Variants in MYRFL observed in about 807,000 individuals in gnomAD.
MYRFL encodes the protein myelin regulatory factor like, also known as myelin regulatory factor-like protein.
A neutral mutation model predicts 109.4 loss-of-function variants in MYRFL; 88 were observed. The observed-to-expected ratio is 0.80, with a 90% CI of 0.68 to 0.96. The LOEUF (loss-of-function observed/expected upper bound fraction) is 0.96, where lower values mean the gene tolerates loss of function less well. Among genes scored for constraint, MYRFL ranks in the 40% least tolerant of loss-of-function variants. The pLI, the probability that MYRFL is intolerant of heterozygous loss-of-function variation, is 0.00. For synonymous variants in MYRFL, 324 were observed against 320.9 expected (o/e 1.01, Z -0.10); for missense variants, 957 against 954.9 (o/e 1.00, Z -0.03).
chr12:69,867,101 A>T (rs927702239), intron 2 of MYRFL, among the ~76,000 whole-genome samples: 2 of 152,182 alleles, frequency 1.3e-5, no homozygotes, highest in African/African-American at 4.8e-5. Flanking sequence ...TTAACTCTTT[A>T]TTTCCTTATG....
intron 2 of MYRFL, among the ~76,000 whole-genome samples, chr12:69,870,194 TGCCTCCTGGG>T (rs1885271400): frequency 7.3e-6 from 1 of 137,138 alleles, no homozygotes; most frequent in Non-Finnish European, 1.5e-5. Context: ...CTGCAACCTC[TGCCTCCTGGG>T]TTCAAGCAAG....
chr12:69,886,676 C>T, intron 5 of MYRFL, 144 bp from the exon 6 acceptor site: 1 of 964,080 alleles, frequency 1.0e-6, no homozygotes, highest in Non-Finnish European at 1.5e-6. Context: ...ATGAGGTCAG[C>T]AACACACCTC....
intron 15 of MYRFL, among the ~76,000 whole-genome samples, chr12:69,928,634 A>G (rs1296673366): frequency 2.0e-5 from 3 of 152,252 alleles, no homozygotes; most frequent in African/African-American, 7.2e-5. Flanking sequence ...TGTATTGACA[A>G]ACACAAATAC....
intron 13 of MYRFL, among the ~76,000 whole-genome samples, chr12:69,921,211 A>G (rs759693725): frequency 2.0e-5 from 3 of 152,036 alleles, no homozygotes; most frequent in Non-Finnish European, 4.4e-5. Context: ...CTTCTTTAAA[A>G]CATTTTTTTT....
intron 13 of MYRFL, among the ~76,000 whole-genome samples, chr12:69,912,215 C>T (rs1486448724): frequency 6.6e-6 from 1 of 152,206 alleles, no homozygotes; most frequent in Non-Finnish European, 1.5e-5. Context: ...TCTTCAGTCT[C>T]TCTCCCAGAC....
chr12:69,955,485 A>G (rs1209089241), intron 22 of MYRFL, 48 bp downstream of exon 22: 1 of 544,836 alleles, frequency 1.8e-6, no homozygotes, highest in East Asian at 3.1e-5. Flanking sequence ...CATTAGTTGA[A>G]TATGAAGTCT....
chr12:69,914,613 G>A (rs1954675507), intron 13 of MYRFL, among the ~76,000 whole-genome samples: 2 of 152,126 alleles, frequency 1.3e-5, no homozygotes, highest in Non-Finnish European at 2.9e-5. Context: ...GGGAATAGTT[G>A]AGACAGAATC....
intron 1 of MYRFL, among the ~76,000 whole-genome samples, chr12:69,849,846 A>G (rs938053081): frequency 6.6e-6 from 1 of 152,196 alleles, no homozygotes; most frequent in African/African-American, 2.4e-5. Context: ...CTATAATCTA[A>G]CCAGTGTTAA....
chr12:69,870,128 G>GT (rs1332225900), intron 2 of MYRFL, among the ~76,000 whole-genome samples: 8 of 106,920 alleles, frequency 7.5e-5, no homozygotes, highest in Non-Finnish European at 1.5e-4. Flanking sequence ...TTTTTTTTTG[G>GT]GACAGAGTCT....
chr12:69,886,723 C>A, intron 5 of MYRFL, 97 bp from the exon 6 acceptor site: 2 of 1,402,084 alleles, frequency 1.4e-6, no homozygotes, highest in South Asian at 2.7e-5. Context: ...AGTCACTCTG[C>A]CTTACACATG....
intron 13 of MYRFL, among the ~76,000 whole-genome samples, chr12:69,920,472 C>T (rs1353487073): frequency 1.3e-5 from 2 of 152,156 alleles, no homozygotes; most frequent in Non-Finnish European, 2.9e-5. Context: ...CATGAACCAC[C>T]TGTAAGAATA....
rs530729260 is a variant in MYRFL, at chr12:69,958,243, A to G, written c.2572-6A>G. 8.5e-6 allele frequency: 13 copies of G among 1,533,754 alleles called. No individual in the cohort carries two copies. In the East Asian group the frequency reaches 2.2e-4, roughly 26 times the overall value. ...CGAAATGGATCCTCTTTTATTCACT[A>G]TTTAGGGATATCAGCACATTTGGAG... On this transcript the variant is annotated splice_polypyrimidine_tract_variant and splice_region_variant and intron_variant, in intron 23 of 24. Coordinates refer to ENST00000552032, the MANE Select transcript of MYRFL (RefSeq NM_182530.3).
intron 10 of MYRFL, among the ~76,000 whole-genome samples, chr12:69,898,412 T>G (rs1046417556): frequency 6.6e-6 from 1 of 152,208 alleles, no homozygotes; most frequent in Admixed American, 6.5e-5. Flanking sequence ...TGCATTTTTG[T>G]GGGTTCTGAC....
intron 1 of MYRFL, among the ~76,000 whole-genome samples, chr12:69,847,647 CAAATGA>C (rs1427198709): frequency 1.3e-5 from 2 of 151,966 alleles, no homozygotes; most frequent in Non-Finnish European, 2.9e-5. Flanking sequence ...CCTCGCTCTT[CAAATGA>C]CTTCTCTCTC....
At chr12:69,955,157 T>C (rs1350755666) in intron 21 of MYRFL, among the ~76,000 whole-genome samples, 1 of 152,178 alleles carries the variant, frequency 6.6e-6, no homozygotes, top group Non-Finnish European at 1.5e-5. Context: ...GTATATTTTA[T>C]ATTAAGACCT....
At chr12:69,955,584 G>A (rs17225875) in intron 22 of MYRFL, 147 bp downstream of exon 22, 20,894 of 467,162 alleles carry the variant, frequency 0.045, 688 homozygotes, top group Non-Finnish European at 0.062. Flanking sequence ...TGGCCTATTT[G>A]AAGGAAAGGT....
rs1190267386 is a variant in MYRFL, at chr12:69,932,583, C to T, written c.1901C>T (p.Ala634Val). Residue 634 changes from alanine to valine, a missense_variant, in exon 16 of 25, where the codon GCT becomes GTT. Transcript: ENST00000552032. ...CAGACCTTGGTTATAACTCTGATTGCTGTGATGGCATTTTGGTAAGAAAAA... is the reference window on the plus strand; with the variant it reads ...CAGACCTTGGTTATAACTCTGATTGTTGTGATGGCATTTTGGTAAGAAAAA... ...VFQTLVITLI[A>V]VMAFCALTIV... is the part of the protein sequence containing the mutation. 6.5e-7 allele frequency: 1 copy of T among 1,535,502 alleles called. No individual in the cohort carries two copies. Among genetic ancestry groups the T allele is most frequent in the East Asian group, 2.4e-5 (1 of 40,914 alleles).
At chr12:69,922,649 A>G (rs1954950608) in intron 13 of MYRFL, among the ~76,000 whole-genome samples, 1 of 152,190 alleles carries the variant, frequency 6.6e-6, no homozygotes, top group Non-Finnish European at 1.5e-5. Context: ...ATATATTGTC[A>G]ATACTTTTTT....
rs940047847 is a variant in MYRFL, at chr12:69,903,860, G to T, written c.1383+16G>T. On this transcript the variant is annotated intron_variant, in intron 11 of 24. Transcript: ENST00000552032. The stretch of plus-strand genomic sequence containing the variant: ...TATCCAGGAGGTGAGCACAGATTCA[G>T]GCCCTGGGCCCCTCCTCTGACACCC... The T allele has an allele frequency of 8.0e-6, 12 of 1,499,568 alleles. No homozygotes were observed. The highest frequency in any genetic ancestry group is 9.8e-6 in the Non-Finnish European group (11 of 1,125,402). 92.9% of individuals were successfully genotyped at this position (1,499,568 alleles called of 1,614,324 possible).
Sources: gnomAD v4.1 joint callset for allele counts (sites outside exome capture counted in the v4.1 genomes callset) on GRCh38, gnomAD v4.1.1 for gene constraint, MANE v1.5 for transcripts, NCBI Gene and HGNC (gene_info 2026-07-23, HGNC 2026-07-21) for gene names.